KLF8: variants seen among roughly 807,000 people sequenced by gnomAD.
KLF8 encodes Krueppel-like factor 8.
KLF8 carries 10 observed loss-of-function variants against 18.2 expected under a neutral mutation model. The ratio of observed to expected loss-of-function variants is 0.55; its 90% CI spans 0.34 to 0.93. The LOEUF (loss-of-function observed/expected upper bound fraction) is 0.93. KLF8 is among the 40% of genes least tolerant of loss of function. The pLI is 0.02. For missense variants in KLF8, 264 were observed against 277.9 expected, an observed-to-expected ratio of 0.95 and a Z score of 0.36; for synonymous variants, 109 against 97.3, an observed-to-expected ratio of 1.12 and a Z score of -0.71.
At chrX:55,968,377 G>A in the KLF8 span, among the ~76,000 whole-genome samples, 7 of 112,039 alleles carry the variant, frequency 6.2e-5, no homozygotes, top group Non-Finnish European at 1.3e-4. Context: ...AAAGACACAC[G>A]TAGACTGAAA....
chrX:55,977,100 G>T, the KLF8 span, among the ~76,000 whole-genome samples: 5 of 111,720 alleles, frequency 4.5e-5, no homozygotes, highest in Admixed American at 9.5e-5. Context: ...GATTTTGATG[G>T]CTTTTATTTC....
chrX:56,155,827 A>G, the KLF8 span, among the ~76,000 whole-genome samples: 2 of 111,270 alleles, frequency 1.8e-5, no homozygotes, highest in Non-Finnish European at 3.8e-5. Context: ...ACCCTCTAGT[A>G]GTCCACAATG....
chrX:56,159,025 G>T, the KLF8 span, among the ~76,000 whole-genome samples: 5 of 111,718 alleles, frequency 4.5e-5, no homozygotes. Flanking sequence ...ATGTGGGTTT[G>T]TCATAGATAG....
the KLF8 span, among the ~76,000 whole-genome samples, chrX:56,155,886 A>T: frequency 9.0e-6 from 1 of 111,471 alleles, no homozygotes; most frequent in African/African-American, 3.3e-5. Context: ...CTTAGGTCCT[A>T]CTTATAAGTG....
the KLF8 span, among the ~76,000 whole-genome samples, chrX:55,925,398 A>G: frequency 9.1e-6 from 1 of 109,728 alleles, no homozygotes; most frequent in Non-Finnish European, 1.9e-5. Context: ...CTACACACGC[A>G]TGCACACACA....
chrX:56,099,510 A>T, the KLF8 span, among the ~76,000 whole-genome samples: 8 of 112,144 alleles, frequency 7.1e-5, no homozygotes, highest in Admixed American at 1.9e-4. Context: ...AGAAATGATT[A>T]AGCTTAGTGA....
At chrX:56,065,107 T>C in the KLF8 span, among the ~76,000 whole-genome samples, 150 of 112,012 alleles carry the variant, frequency 1.3e-3, no homozygotes, top group Non-Finnish European at 2.3e-3. Flanking sequence ...TTCTGCTTAT[T>C]ATGTATTAGA....
chrX:56,123,779 C>T, the KLF8 span, among the ~76,000 whole-genome samples: 2 of 111,931 alleles, frequency 1.8e-5, no homozygotes, highest in Non-Finnish European at 3.8e-5. Context: ...GCATTAATGA[C>T]ATTTTGGTAG....
At chrX:56,156,284 T>C in the KLF8 span, among the ~76,000 whole-genome samples, 1 of 112,011 alleles carries the variant, frequency 8.9e-6, no homozygotes, top group Non-Finnish European at 1.9e-5. Context: ...GTTTGTTACA[T>C]AGGTAAACTT....
At chrX:56,110,281 A>G in the KLF8 span, among the ~76,000 whole-genome samples, 1 of 111,561 alleles carries the variant, frequency 9.0e-6, no homozygotes, top group Non-Finnish European at 1.9e-5. Context: ...ATATAGTTAC[A>G]TCATCTCACT....
At chrX:55,932,173 G>A in the KLF8 span, among the ~76,000 whole-genome samples, 1 of 109,971 alleles carries the variant, frequency 9.1e-6, no homozygotes, top group South Asian at 3.9e-4. Context: ...TGTTTTATCA[G>A]AGACTAGGAT....
chrX:56,058,619 T>A, the KLF8 span, among the ~76,000 whole-genome samples: 4 of 107,810 alleles, frequency 3.7e-5, no homozygotes, highest in African/African-American at 1.4e-4. Flanking sequence ...TTTCTGTTCC[T>A]GTGTTAGTTT....
the KLF8 span, among the ~76,000 whole-genome samples, chrX:55,991,491 G>A: frequency 9.0e-6 from 1 of 111,491 alleles, no homozygotes; most frequent in Non-Finnish European, 1.9e-5. Context: ...CTCCCACTCG[G>A]TGCACTGCAA....
chrX:56,173,956 A>G, the KLF8 span, among the ~76,000 whole-genome samples: 1 of 111,904 alleles, frequency 8.9e-6, no homozygotes, highest in African/African-American at 3.2e-5. Context: ...GTATCCTGAG[A>G]CTTTGCTGAA....
the KLF8 span, among the ~76,000 whole-genome samples, chrX:56,051,307 C>G: frequency 9.1e-6 from 1 of 109,756 alleles, no homozygotes. Flanking sequence ...TTGATCCTGT[C>G]ATTATGATGT....
At chrX:55,990,534 T>G in the KLF8 span, among the ~76,000 whole-genome samples, 1 of 112,171 alleles carries the variant, frequency 8.9e-6, no homozygotes, top group East Asian at 2.8e-4. Flanking sequence ...TTAATCTCAC[T>G]GCTGGTGAGG....
At chrX:55,918,600 C>T in the KLF8 span, among the ~76,000 whole-genome samples, 1 of 112,406 alleles carries the variant, frequency 8.9e-6, no homozygotes, top group South Asian at 3.7e-4. Context: ...AGGCCATGCT[C>T]CATCGAAAAC....
At chrX:56,071,954 G>T in the KLF8 span, among the ~76,000 whole-genome samples, 1 of 112,105 alleles carries the variant, frequency 8.9e-6, no homozygotes, top group Non-Finnish European at 1.9e-5. Context: ...GCATGAGACA[G>T]CCTGTTAATA....
the KLF8 span, among the ~76,000 whole-genome samples, chrX:56,176,874 C>G: frequency 8.9e-6 from 1 of 111,965 alleles, no homozygotes; most frequent in South Asian, 3.8e-4. Context: ...CACTGATACC[C>G]TTTCTTCCAG....
Sources: gnomAD v4.1 joint callset for allele counts (sites outside exome capture counted in the v4.1 genomes callset) on GRCh38, gnomAD v4.1.1 for gene constraint, MANE v1.5 for transcripts, NCBI Gene and HGNC (gene_info 2026-07-23, HGNC 2026-07-21) for gene names.